Variants in CNTNAP2 observed in about 807,000 individuals in gnomAD.
CNTNAP2 encodes contactin-associated protein-like 2.
CNTNAP2 carries 98 observed loss-of-function variants against 155.2 expected under a neutral mutation model. The ratio of observed to expected loss-of-function variants is 0.63; its 90% confidence interval spans 0.54 to 0.75. The LOEUF (loss-of-function observed/expected upper bound fraction) is 0.75, where lower values mean the gene tolerates loss of function less well. Ranked by LOEUF, CNTNAP2 falls within the 30% of genes least tolerant of loss-of-function variation. The pLI, the probability that CNTNAP2 is intolerant of heterozygous loss-of-function variation, is 0.00. For missense variants in CNTNAP2, 1,727 were observed against 1,688.1 expected (o/e 1.02, Z -0.40); for synonymous variants, 651 against 631.2 (o/e 1.03, Z -0.47).
chr7:146,947,093 G>A (rs1262656975), intron 3 of CNTNAP2, among the ~76,000 whole-genome samples: 3 of 151,506 alleles, frequency 2.0e-5, no homozygotes, highest in Non-Finnish European at 4.4e-5. Flanking sequence ...GTGCAGTGGC[G>A]TGACCTCAGC....
intron 13 of CNTNAP2, among the ~76,000 whole-genome samples, chr7:147,839,064 A>G (rs1798679546): frequency 6.6e-6 from 1 of 152,230 alleles, no homozygotes; most frequent in Non-Finnish European, 1.5e-5. Flanking sequence ...CTTTGGGTCC[A>G]ATGTTCAAGG....
At chr7:146,771,017 C>T (rs1802285213) in intron 1 of CNTNAP2, among the ~76,000 whole-genome samples, 1 of 152,094 alleles carries the variant, frequency 6.6e-6, no homozygotes, top group South Asian at 2.1e-4. Context: ...CTTTCTTCCT[C>T]ATTTTCTTCA....
At chr7:147,791,317 AC>A in intron 13 of CNTNAP2, among the ~76,000 whole-genome samples, 1 of 152,046 alleles carries the variant, frequency 6.6e-6, no homozygotes, top group Non-Finnish European at 1.5e-5. Flanking sequence ...ATAATATCTT[AC>A]CTGGGAGCTT....
chr7:147,718,876 A>G (rs1467397712), intron 13 of CNTNAP2, among the ~76,000 whole-genome samples: 1 of 152,182 alleles, frequency 6.6e-6, no homozygotes, highest in East Asian at 1.9e-4. Flanking sequence ...CCAGTACACA[A>G]TAATAGTGCT....
intron 3 of CNTNAP2, among the ~76,000 whole-genome samples, chr7:147,003,131 G>T (rs995257435): frequency 6.6e-6 from 1 of 151,890 alleles, no homozygotes; most frequent in Non-Finnish European, 1.5e-5. Context: ...AGCATAAAGA[G>T]AGTGCTACAT....
chr7:147,490,207 A>T (rs1335825813), intron 11 of CNTNAP2, among the ~76,000 whole-genome samples: 1 of 152,204 alleles, frequency 6.6e-6, no homozygotes, highest in East Asian at 1.9e-4. Flanking sequence ...AATAAACTAG[A>T]TGACCTATAT....
intron 13 of CNTNAP2, among the ~76,000 whole-genome samples, chr7:147,884,129 C>T (rs1003645009): frequency 6.6e-6 from 1 of 152,168 alleles, no homozygotes; most frequent in Non-Finnish European, 1.5e-5. Flanking sequence ...AAGAGAATTT[C>T]AGGTGGCAAA....
chr7:147,604,991 A>C (rs1406770857), intron 12 of CNTNAP2, among the ~76,000 whole-genome samples: 2 of 152,288 alleles, frequency 1.3e-5, no homozygotes, highest in South Asian at 2.1e-4. Flanking sequence ...TAGAGATGAA[A>C]ATGACCTAGC....
rs146604382 is a variant in CNTNAP2 at position 147,627,892 on chromosome 7, A to T, written c.1898-11214A>T. Among the ~76,000 whole-genome samples, 909 of 151,334 alleles carry T rather than the reference A, an allele frequency of 6.0e-3. 6 individuals are homozygous for T. The highest frequency in any genetic ancestry group is 9.1e-3 in the Non-Finnish European group (616 of 67,838). Reference sequence around the variant, plus strand: ...AGTAAAAGAAAGAATTTTGGAGCTCAAAGACAAGGCTTTCAAATTAAGCCA... The same window carrying T: ...AGTAAAAGAAAGAATTTTGGAGCTCTAAGACAAGGCTTTCAAATTAAGCCA... On this transcript the variant is annotated intron_variant, in intron 12 of 23. Transcript: ENST00000361727.
chr7:146,394,999 T>A (rs541873510), intron 1 of CNTNAP2, among the ~76,000 whole-genome samples: 1 of 152,206 alleles, frequency 6.6e-6, no homozygotes, highest in African/African-American at 2.4e-5. Flanking sequence ...TATTTGACTT[T>A]ATATTTTTGA....
At chr7:146,451,704 TCAAA>T (rs147967971) in intron 1 of CNTNAP2, among the ~76,000 whole-genome samples, 1,840 of 152,014 alleles carry the variant, frequency 0.012, 44 homozygotes, top group African/African-American at 0.042. Context: ...GGACAAGTTT[TCAAA>T]CAGTCTTCAA....
At chr7:146,715,624 C>T (rs12113836) in intron 1 of CNTNAP2, among the ~76,000 whole-genome samples, 21,483 of 152,046 alleles carry the variant, frequency 0.14, 2,454 homozygotes, top group African/African-American at 0.31. Context: ...AGAAAATCAC[C>T]CTACCTAAAG....
chr7:147,775,364 A>AAT (rs10554154), intron 13 of CNTNAP2, among the ~76,000 whole-genome samples: 5 of 33,798 alleles, frequency 1.5e-4, no homozygotes, highest in South Asian at 8.1e-4. Flanking sequence ...TATATTTATA[A>AAT]ATATATATAT....
chr7:147,806,861 G>A (rs908679090), intron 13 of CNTNAP2, among the ~76,000 whole-genome samples: 1 of 152,182 alleles, frequency 6.6e-6, no homozygotes, highest in Non-Finnish European at 1.5e-5. Context: ...AGTGGGGAAG[G>A]AGGAATAAAG....
intron 1 of CNTNAP2, among the ~76,000 whole-genome samples, chr7:146,755,711 A>G (rs1043515680): frequency 6.6e-6 from 1 of 152,012 alleles, no homozygotes; most frequent in Non-Finnish European, 1.5e-5. Context: ...ACACAGAGTC[A>G]GAAAGTGCAT....
At chr7:146,314,984 C>A (rs758346396) in intron 1 of CNTNAP2, among the ~76,000 whole-genome samples, 16 of 152,186 alleles carry the variant, frequency 1.1e-4, no homozygotes, top group Non-Finnish European at 2.2e-4. Flanking sequence ...GAGAAGACTT[C>A]AACTCTTCAC....
intron 3 of CNTNAP2, among the ~76,000 whole-genome samples, chr7:146,995,369 T>A (rs933248299): frequency 1.2e-4 from 18 of 152,078 alleles, no homozygotes; most frequent in Admixed American, 6.6e-5. Context: ...AAGTGTTAGA[T>A]CATGCGGTAG....
intron 8 of CNTNAP2, 80 bp downstream of exon 8, chr7:147,132,589 C>T: frequency 6.4e-7 from 1 of 1,572,596 alleles, no homozygotes; most frequent in South Asian, 1.1e-5. Context: ...TTTGGTTTTG[C>T]TGGTGTTACA....
At chr7:147,760,470 G>A (rs1047997067) in intron 13 of CNTNAP2, among the ~76,000 whole-genome samples, 5 of 152,174 alleles carry the variant, frequency 3.3e-5, no homozygotes, top group African/African-American at 1.2e-4. Flanking sequence ...ATTCAGGAGT[G>A]AGAATTAATT....
Sources: allele counts gnomAD v4.1 joint callset (sites outside exome capture counted in the v4.1 genomes callset), GRCh38; gene constraint gnomAD v4.1.1; transcripts MANE v1.5; gene names NCBI Gene and HGNC (gene_info 2026-07-23, HGNC 2026-07-21).